The following CDH2 variants were observed in gnomAD, a reference collection of about 807,000 sequenced individuals.
CDH2 encodes cadherin-2.
CDH2 carries 17 observed loss-of-function variants against 92.0 expected under a neutral mutation model. That is an observed-to-expected ratio of 0.18 (90% confidence interval 0.13 to 0.28). CDH2 has a LOEUF of 0.28. CDH2 is among the 10% of genes least tolerant of loss of function. The probability of loss-of-function intolerance (pLI) is 1.00; values close to 1 mark genes in which losing one functional copy is unlikely to be tolerated. For missense variants in CDH2, 862 were observed against 1,133.1 expected (o/e 0.76, Z 3.44); for synonymous variants, 419 against 415.9 (o/e 1.01, Z -0.09).
intron 2 of CDH2, among the ~76,000 whole-genome samples, chr18:28,058,817 T>TG (rs1363367051): frequency 6.6e-6 from 1 of 152,224 alleles, no homozygotes; most frequent in East Asian, 1.9e-4. Context: ...TGCTTTGATT[T>TG]GGCCCAGTCA....
chr18:28,111,306 T>G (rs147657009), intron 2 of CDH2, among the ~76,000 whole-genome samples: 123 of 152,342 alleles, frequency 8.1e-4, no homozygotes, highest in African/African-American at 2.9e-3. Context: ...GTGTAGCACG[T>G]GCATACGTGA....
intron 5 of CDH2, among the ~76,000 whole-genome samples, chr18:28,007,639 ATTATAC>A (rs934432669): frequency 1.1e-4 from 17 of 152,186 alleles, no homozygotes; most frequent in Non-Finnish European, 2.1e-4. Context: ...TACTAAAACA[ATTATAC>A]TTATATATTG....
intron 2 of CDH2, among the ~76,000 whole-genome samples, chr18:28,093,923 A>T (rs534596470): frequency 6.6e-5 from 10 of 152,206 alleles, no homozygotes; most frequent in Non-Finnish European, 1.2e-4. Flanking sequence ...GAATGAAGGG[A>T]AACAGCGGGG....
intron 1 of CDH2, chr18:28,159,073 A>C (rs2016265840): frequency 6.6e-6 from 1 of 152,218 alleles, no homozygotes; most frequent in African/African-American, 2.4e-5. Context: ...ATAATTTTTT[A>C]AGCATGTAAA....
chr18:27,966,293 G>A (rs886645300), intron 14 of CDH2, among the ~76,000 whole-genome samples: 6 of 152,178 alleles, frequency 3.9e-5, no homozygotes, highest in African/African-American at 1.4e-4. Flanking sequence ...TTATGTTTAA[G>A]CACTGTCTTT....
chr18:28,119,968 A>G (rs1301770738), intron 2 of CDH2, among the ~76,000 whole-genome samples: 1 of 152,058 alleles, frequency 6.6e-6, no homozygotes, highest in African/African-American at 2.4e-5. Flanking sequence ...AGGAATCGGG[A>G]TCCCTGGATG....
chr18:27,985,766 AAAG>A lies in CDH2; in HGVS notation c.1742-8_1742-6del, dbSNP rs1212390755. On this transcript the variant is annotated splice_region_variant and splice_polypyrimidine_tract_variant and intron_variant, in intron 11 of 15. Transcript: ENST00000269141. ...TTCCACTCATAGGAGGAATTCCTGA[AAAG>A]AGAGAAAAATCACAAATGATGCTGA... is the stretch of plus-strand genomic sequence containing the variant. The A allele has an allele frequency of 6.6e-7, 1 of 1,524,004 alleles. No individual in the cohort carries two copies. The highest frequency in any genetic ancestry group is 9.1e-7 in the Non-Finnish European group (1 of 1,104,030). 94.4% of individuals were successfully genotyped at this position (1,524,004 alleles called of 1,614,324 possible).
chr18:28,141,717 T>C (rs2015956628), intron 2 of CDH2, among the ~76,000 whole-genome samples: 1 of 151,964 alleles, frequency 6.6e-6, no homozygotes, highest in Admixed American at 6.6e-5. Flanking sequence ...CAGATCATGT[T>C]TTACCTCTAC....
At chr18:27,986,018 T>A (rs916102321) in intron 11 of CDH2, among the ~76,000 whole-genome samples, 2 of 152,030 alleles carry the variant, frequency 1.3e-5, no homozygotes, top group Non-Finnish European at 2.9e-5. Context: ...TGTGATGGAA[T>A]CCCGTACCCT....
chr18:27,974,148 T>C (rs2011748176), intron 14 of CDH2, among the ~76,000 whole-genome samples: 1 of 152,190 alleles, frequency 6.6e-6, no homozygotes, highest in African/African-American at 2.4e-5. Context: ...TATAAAACTG[T>C]CTTAGAAAAT....
chr18:27,943,707 T>C (rs566239980), intron 6 of CDH2, among the ~76,000 whole-genome samples: 1 of 152,158 alleles, frequency 6.6e-6, no homozygotes, highest in African/African-American at 2.4e-5. Context: ...ATCCATGTTG[T>C]TGGATGGGTT....
intron 1 of CDH2, among the ~76,000 whole-genome samples, chr18:28,171,652 A>G (rs1040451256): frequency 6.6e-6 from 1 of 152,202 alleles, no homozygotes; most frequent in Admixed American, 6.5e-5. Context: ...CACTCCAAGT[A>G]TCTGAAAATT....
At chr18:28,030,750 T>G (rs1301736350) in intron 2 of CDH2, among the ~76,000 whole-genome samples, 1 of 151,818 alleles carries the variant, frequency 6.6e-6, no homozygotes, top group Admixed American at 6.6e-5. Flanking sequence ...GAAAGAGAGA[T>G]GAAAACAAAA....
chr18:28,148,651 T>A (rs1269171614), intron 1 of CDH2, among the ~76,000 whole-genome samples: 2 of 151,898 alleles, frequency 1.3e-5, no homozygotes, highest in Non-Finnish European at 2.9e-5. Context: ...GAAGGACGAG[T>A]AGAATGAGGC....
At chr18:28,136,488 T>C (rs1055497347) in intron 2 of CDH2, among the ~76,000 whole-genome samples, 1 of 152,110 alleles carries the variant, frequency 6.6e-6, no homozygotes, top group Non-Finnish European at 1.5e-5. Flanking sequence ...TTTGAGCATC[T>C]GGTGAAATAA....
intron 1 of CDH2, among the ~76,000 whole-genome samples, chr18:28,167,405 A>C (rs1426913773): frequency 6.6e-6 from 1 of 152,066 alleles, no homozygotes; most frequent in Non-Finnish European, 1.5e-5. Flanking sequence ...TTTTAAACCA[A>C]CTTCACCCTC....
intron 2 of CDH2, among the ~76,000 whole-genome samples, chr18:28,017,050 T>C (rs1027064417): frequency 6.6e-6 from 1 of 152,170 alleles, no homozygotes; most frequent in Non-Finnish European, 1.5e-5. Context: ...GATTTTTGCA[T>C]CTATGTTCAT....
chr18:28,015,513 G>T (rs2144042522), intron 2 of CDH2, among the ~76,000 whole-genome samples: 1 of 152,232 alleles, frequency 6.6e-6, no homozygotes, highest in Non-Finnish European at 1.5e-5. Context: ...GACAAAAAAT[G>T]AAATGTAAAA....
intron 2 of CDH2, among the ~76,000 whole-genome samples, chr18:28,033,322 G>T (rs2013744817): frequency 6.6e-6 from 1 of 152,066 alleles, no homozygotes; most frequent in African/African-American, 2.4e-5. Context: ...TATTATTTTT[G>T]TAGGGAGGGA....
Sources: allele counts gnomAD v4.1 joint callset (sites outside exome capture counted in the v4.1 genomes callset), GRCh38; gene constraint gnomAD v4.1.1; transcripts MANE v1.5; gene names NCBI Gene and HGNC (gene_info 2026-07-23, HGNC 2026-07-21).